Variants in CCND3 observed in about 807,000 individuals in gnomAD.
CCND3 encodes G1/S-specific cyclin-D3.
In CCND3, 9 loss-of-function variants were observed where a neutral mutation model predicts 28.7. The observed-to-expected ratio is 0.31, with a 90% CI of 0.19 to 0.55. The LOEUF is 0.55. Among genes scored for constraint, CCND3 ranks in the 20% least tolerant of loss-of-function variants. CCND3 has a pLI of 0.93. For synonymous variants in CCND3, 164 were observed against 163.9 expected, an observed-to-expected ratio of 1.00 and a Z score of 0.00; for missense variants, 315 against 385.8, an observed-to-expected ratio of 0.82 and a Z score of 1.54.
intron 1 of CCND3, among the ~76,000 whole-genome samples, chr6:41,973,424 G>A (rs1185069196): frequency 6.6e-6 from 1 of 151,964 alleles, no homozygotes; most frequent in Non-Finnish European, 1.5e-5. Context: ...AACCATAGAG[G>A]ACTCATTAAA....
chr6:41,988,697 TTC>T (rs1762556403), intron 1 of CCND3, among the ~76,000 whole-genome samples: 4 of 34,570 alleles, frequency 1.2e-4, no homozygotes, highest in Middle Eastern at 0.017. Flanking sequence ...TGAACTTCTT[TTC>T]TTTTTTTTTT....
intron 1 of CCND3, among the ~76,000 whole-genome samples, chr6:42,019,226 A>G (rs1051438742): frequency 4.0e-5 from 6 of 151,834 alleles, no homozygotes; most frequent in African/African-American, 1.5e-4. Flanking sequence ...GGTGGCTCCC[A>G]CCTGTAATCC....
rs1228019848 is a variant in CCND3 at position 41,938,620 on chromosome 6, G to A, written c.415-1226C>T. ...GGGGAGGCAAGGGGTTGTGTTTGAG[G>A]GAAAGTGGCCACCTTTCCCCATATC... On this transcript the variant is annotated intron_variant, in intron 2 of 4. Coordinates refer to ENST00000372991, the MANE Select transcript of CCND3 (RefSeq NM_001760.5). The surrounding 1 kb of genome is among the most constrained non-coding windows in gnomAD (Gnocchi z 4.6). 6.6e-6 allele frequency among the ~76,000 whole-genome samples: 1 copy of A among 152,186 alleles called. No homozygotes were observed. Among genetic ancestry groups the A allele is most frequent in the Non-Finnish European group, 1.5e-5 (1 of 68,036 alleles).
At chr6:42,014,201 C>T (rs899339591) in intron 1 of CCND3, among the ~76,000 whole-genome samples, 1 of 150,960 alleles carries the variant, frequency 6.6e-6, no homozygotes. Context: ...CCGTCTCTAC[C>T]AAAAATACAA....
intron 1 of CCND3, among the ~76,000 whole-genome samples, chr6:42,027,439 CAAAAAAAAAA>C (rs5875782): frequency 0.58 from 77,149 of 132,196 alleles, 20,262 homozygotes; most frequent in East Asian, 0.82. Flanking sequence ...GGCTCCATCT[CAAAAAAAAAA>C]AAAAAAAAGA....
chr6:42,028,185 T>C (rs1376548604), intron 1 of CCND3, among the ~76,000 whole-genome samples: 1 of 152,162 alleles, frequency 6.6e-6, no homozygotes, highest in Non-Finnish European at 1.5e-5. Context: ...ATGCTAAGCA[T>C]GGGAATACGG....
At chr6:41,991,726 C>T (rs1762655453) in intron 1 of CCND3, among the ~76,000 whole-genome samples, 1 of 152,160 alleles carries the variant, frequency 6.6e-6, no homozygotes, top group East Asian at 1.9e-4. Context: ...TAACCTTTAA[C>T]AAATCTCTCC....
At chr6:42,026,086 A>C (rs1384414387) in intron 1 of CCND3, among the ~76,000 whole-genome samples, 2 of 152,190 alleles carry the variant, frequency 1.3e-5, no homozygotes, top group African/African-American at 4.8e-5. Flanking sequence ...ACTGGTGATC[A>C]AAGGGATAAG....
At chr6:42,016,634 G>A (rs1307403112) in intron 1 of CCND3, among the ~76,000 whole-genome samples, 1 of 144,512 alleles carries the variant, frequency 6.9e-6, no homozygotes, top group Non-Finnish European at 1.5e-5. Flanking sequence ...TGCCCAGGCT[G>A]GAGTGCACTG....
chr6:41,956,864 T>C (rs1465510633), intron 1 of CCND3, among the ~76,000 whole-genome samples: 2 of 151,702 alleles, frequency 1.3e-5, no homozygotes, highest in African/African-American at 4.8e-5. Flanking sequence ...CCGCCTCTAC[T>C]AAAAATACAA....
Position 41,941,194 on chromosome 6 carries a change from G to A in CCND3, c.198+258C>T. 6.9e-7 allele frequency: 1 copy of A among 1,440,354 alleles called. No homozygotes were observed. Among genetic ancestry groups the A allele is most frequent in the East Asian group, 2.5e-5 (1 of 39,960 alleles). 89.2% of individuals were successfully genotyped at this position (1,440,354 alleles called of 1,614,324 possible). On this transcript the variant is annotated intron_variant, in intron 1 of 4. Coordinates refer to ENST00000372991, the MANE Select transcript of CCND3 (RefSeq NM_001760.5). This position sits in a 1 kb window ranked among gnomAD's most constrained non-coding sequence, Gnocchi z 6.1. ...AAGCCGAAGGGGAGAGAGTGTCCTT[G>A]GTCCCGTTTGCTCGGCCCGAAGAGA...
rs781742646 is a variant in CCND3 at position 41,938,581 on chromosome 6, G to A, written c.415-1187C>T. 6.6e-6 allele frequency among the ~76,000 whole-genome samples: 1 copy of A among 152,216 alleles called. No homozygotes were observed. Among genetic ancestry groups the A allele is most frequent in the Non-Finnish European group, 1.5e-5 (1 of 68,040 alleles). ...AAGCATCTGGAAGGCAACTGGGAGT[G>A]GGACTCTCCCTATGGGGAGGCAAGG... On this transcript the variant is annotated intron_variant, in intron 2 of 4. Coordinates refer to ENST00000372991, the MANE Select transcript of CCND3 (RefSeq NM_001760.5). The surrounding 1 kb of genome is among the most constrained non-coding windows in gnomAD (Gnocchi z 4.6).
rs1458945834 is a variant in CCND3, at chr6:41,941,307, G to A, written c.198+145C>T. Reference sequence around the variant, plus strand: ...AAAGCAAGGGAGGCAGCTGGCGTGGGTGCCCTAGTGAAAGGCCAGGCCCCG... The same window carrying A: ...AAAGCAAGGGAGGCAGCTGGCGTGGATGCCCTAGTGAAAGGCCAGGCCCCG... On this transcript the variant is annotated intron_variant, in intron 1 of 4. Coordinates refer to ENST00000372991, the MANE Select transcript of CCND3 (RefSeq NM_001760.5). This position sits in a 1 kb window ranked among gnomAD's most constrained non-coding sequence, Gnocchi z 6.1. 1.4e-6 allele frequency: 2 copies of A among 1,461,542 alleles called. No homozygotes were observed. The highest frequency in any genetic ancestry group is 2.9e-5 in the Admixed American group (1 of 34,904). The allele number at this position is 1,461,542 out of a possible 1,614,324, so 90.5% of individuals were successfully genotyped here. A position where few individuals can be genotyped will look rare whatever the true frequency, so the allele number is the denominator to read the frequency against.
At chr6:41,968,057 G>C (rs1761937529) in intron 1 of CCND3, among the ~76,000 whole-genome samples, 1 of 152,172 alleles carries the variant, frequency 6.6e-6, no homozygotes. Context: ...TAAAGTGGTA[G>C]GAGAGGAGAA....
intron 1 of CCND3, among the ~76,000 whole-genome samples, chr6:42,044,468 C>G (rs1444495992): frequency 6.6e-6 from 1 of 152,162 alleles, no homozygotes; most frequent in Non-Finnish European, 1.5e-5. Flanking sequence ...AAGAGGAAAG[C>G]AGGGGGAAAA....
intron 1 of CCND3, among the ~76,000 whole-genome samples, chr6:42,040,806 G>A (rs543170687): frequency 3.9e-4 from 59 of 151,200 alleles, no homozygotes; most frequent in African/African-American, 1.3e-3. Context: ...AGCCGAGATC[G>A]TGCCACTGCA....
At chr6:42,019,589 A>G (rs1320324264) in intron 1 of CCND3, among the ~76,000 whole-genome samples, 1 of 152,050 alleles carries the variant, frequency 6.6e-6, no homozygotes, top group Non-Finnish European at 1.5e-5. Context: ...ACAGTATTCT[A>G]TGATCCTATT....
intron 1 of CCND3, among the ~76,000 whole-genome samples, chr6:41,993,998 T>C (rs1762728670): frequency 6.8e-6 from 1 of 148,026 alleles, no homozygotes; most frequent in African/African-American, 2.5e-5. Flanking sequence ...AGAGAAAACT[T>C]AAGTGGATAT....
At chr6:41,962,953 A>T (rs767541458) in intron 1 of CCND3, among the ~76,000 whole-genome samples, 3 of 152,068 alleles carry the variant, frequency 2.0e-5, no homozygotes, top group Non-Finnish European at 4.4e-5. Context: ...GGGTTTCACC[A>T]TGTTGGCCAG....
Sources: gnomAD v4.1 joint callset for allele counts (sites outside exome capture counted in the v4.1 genomes callset) on GRCh38, gnomAD v4.1.1 for gene constraint, Gnocchi (gnomAD v3.1) non-coding constraint, MANE v1.5 for transcripts, NCBI Gene and HGNC (gene_info 2026-07-23, HGNC 2026-07-21) for gene names.